Variants in RIMS2 observed in about 807,000 individuals in gnomAD.
The protein encoded by RIMS2 is regulating synaptic membrane exocytosis protein 2.
A neutral mutation model predicts 174.4 loss-of-function variants in RIMS2; 59 were observed. That is an observed-to-expected ratio of 0.34 (90% CI 0.27 to 0.42). RIMS2 has a LOEUF of 0.42. Ranked by LOEUF, RIMS2 falls within the 10% of genes least tolerant of loss-of-function variation. The probability of loss-of-function intolerance (pLI) is 1.00; values close to 1 mark genes in which losing one functional copy is unlikely to be tolerated. For synonymous variants in RIMS2, 606 were observed against 572.5 expected, an observed-to-expected ratio of 1.06 and a Z score of -0.84; for missense variants, 1,620 against 1,666.3, an observed-to-expected ratio of 0.97 and a Z score of 0.48.
chr8:104,064,357 A>G (rs1205765272), intron 19 of RIMS2, among the ~76,000 whole-genome samples: 1 of 152,150 alleles, frequency 6.6e-6, no homozygotes, highest in African/African-American at 2.4e-5. Context: ...TCCAATTTAA[A>G]AAAATGAATA....
intron 19 of RIMS2, among the ~76,000 whole-genome samples, chr8:104,164,187 TCTTTC>T (rs751834919): frequency 0.81 from 122,643 of 151,984 alleles, 49,968 homozygotes; most frequent in East Asian, 1. Context: ...CCTGGAATTA[TCTTTC>T]CTGTGTGAAA....
chr8:103,911,315 AGAAT>A (rs2154527261), intron 5 of RIMS2, among the ~76,000 whole-genome samples: 1 of 152,312 alleles, frequency 6.6e-6, no homozygotes, highest in African/African-American at 2.4e-5. Flanking sequence ...TGAGAAAGAA[AGAAT>A]AATGTTTTCA....
chr8:103,819,278 A>C, intron 3 of RIMS2: 1 of 1,345,902 alleles, frequency 7.4e-7, no homozygotes, highest in East Asian at 3.1e-5. Flanking sequence ...TGCTACAGTC[A>C]GGAGAAAGCC....
At chr8:103,587,924 A>G (rs2094046818) in intron 1 of RIMS2, among the ~76,000 whole-genome samples, 1 of 152,048 alleles carries the variant, frequency 6.6e-6, no homozygotes. Flanking sequence ...AGACAGGAGA[A>G]GGAAATAAAG....
At chr8:103,739,021 A>G (rs974300564) in intron 2 of RIMS2, among the ~76,000 whole-genome samples, 4 of 152,180 alleles carry the variant, frequency 2.6e-5, no homozygotes, top group East Asian at 1.9e-4. Flanking sequence ...TAGCCATCCC[A>G]TTACTGGGTA....
intron 16 of RIMS2, among the ~76,000 whole-genome samples, chr8:103,980,287 C>T (rs913958684): frequency 2.0e-5 from 3 of 152,058 alleles, no homozygotes; most frequent in Admixed American, 1.3e-4. Context: ...AAGAAGCCCC[C>T]GTTCTAGGCC....
intron 16 of RIMS2, among the ~76,000 whole-genome samples, chr8:103,979,049 A>G (rs1032653222): frequency 6.6e-6 from 1 of 152,226 alleles, no homozygotes; most frequent in Non-Finnish European, 1.5e-5. Context: ...ATAAACTTAT[A>G]AAGCAATTTT....
At chr8:104,165,360 A>G (rs1224635850) in intron 19 of RIMS2, among the ~76,000 whole-genome samples, 1 of 152,146 alleles carries the variant, frequency 6.6e-6, no homozygotes, top group East Asian at 1.9e-4. Context: ...CCTCTTTTTA[A>G]TCATTTTAAG....
Position 103,760,905 on chromosome 8 carries a change from G to A in RIMS2, c.388-5322G>A, listed in dbSNP as rs796629918. 2.6e-5 allele frequency among the ~76,000 whole-genome samples: 4 copies of A among 152,120 alleles called. No individual in the cohort carries two copies. In the East Asian group the frequency reaches 7.7e-4, roughly 29 times the overall value. On this transcript the variant is annotated intron_variant, in intron 2 of 23. Transcript: ENST00000504942. ...AATAAATAATGAATTGGTGTTAATAGTTACTTGCCCATCTATAAATAAATT... is the reference window on the plus strand; with the variant it reads ...AATAAATAATGAATTGGTGTTAATAATTACTTGCCCATCTATAAATAAATT...
rs202000083 is a variant in RIMS2 at position 103,942,881 on chromosome 8, C to G, written c.2656C>G (p.Pro886Ala). 145 of 1,613,370 alleles carry G rather than the reference C, an allele frequency of 9.0e-5. No homozygotes were observed. The Middle Eastern group carries it at 2.6e-3, about 29-fold the overall frequency. Reference sequence around the variant, plus strand: ...ACTTCCCCACCCTTCTCCATATATGCCACGAAGACAGCTCCATGGAGAGAG... The same window carrying G: ...ACTTCCCCACCCTTCTCCATATATGGCACGAAGACAGCTCCATGGAGAGAG... Residue 886 changes from proline to alanine, a missense_variant, in exon 14 of 24, where the codon CCA becomes GCA. Physicochemically the swap from Pro to Ala is conservative, Grantham distance 27. Coordinates refer to ENST00000504942, the Ensembl canonical transcript of RIMS2.
intron 4 of RIMS2, among the ~76,000 whole-genome samples, chr8:103,890,542 T>C (rs919283585): frequency 6.6e-6 from 1 of 152,064 alleles, no homozygotes; most frequent in African/African-American, 2.4e-5. Flanking sequence ...TATTTACTGA[T>C]TTTTGCGCAC....
chr8:103,601,551 A>G (rs1036970233), intron 1 of RIMS2, among the ~76,000 whole-genome samples: 3 of 151,830 alleles, frequency 2.0e-5, no homozygotes, highest in South Asian at 2.1e-4. Context: ...TTCAGTCTAT[A>G]TGCATATATA....
intron 19 of RIMS2, among the ~76,000 whole-genome samples, chr8:104,134,046 A>G (rs1458562490): frequency 6.6e-6 from 1 of 152,220 alleles, no homozygotes; most frequent in African/African-American, 2.4e-5. Context: ...TTTACAAATA[A>G]TCTTTAATAT....
chr8:104,135,581 G>A (rs1025183844), intron 19 of RIMS2, among the ~76,000 whole-genome samples: 2 of 147,992 alleles, frequency 1.4e-5, no homozygotes, highest in African/African-American at 5.1e-5. Flanking sequence ...ACTCCAGCCT[G>A]GGTGCCAGAG....
intron 2 of RIMS2, among the ~76,000 whole-genome samples, chr8:103,733,953 G>A (rs1436086167): frequency 6.6e-6 from 1 of 150,548 alleles, no homozygotes; most frequent in Admixed American, 6.6e-5. Context: ...GTGTTTCTAT[G>A]GTGGGAATGA....
chr8:103,775,511 A>C (rs1034725341), intron 3 of RIMS2, among the ~76,000 whole-genome samples: 2 of 152,158 alleles, frequency 1.3e-5, no homozygotes, highest in Non-Finnish European at 2.9e-5. Context: ...AAAGATGGCT[A>C]TGTCTTTGGT....
At chr8:103,560,117 T>C (rs995583189) in intron 1 of RIMS2, among the ~76,000 whole-genome samples, 1 of 152,188 alleles carries the variant, frequency 6.6e-6, no homozygotes, top group Non-Finnish European at 1.5e-5. Flanking sequence ...GTAAACAAAA[T>C]AGTTCAGAAC....
chr8:103,904,079 C>T (rs1368905691), intron 4 of RIMS2, among the ~76,000 whole-genome samples: 1 of 152,066 alleles, frequency 6.6e-6, no homozygotes, highest in Admixed American at 6.6e-5. Context: ...CTTACGCTTC[C>T]TCTTTCTAAT....
chr8:103,505,409 C>T (rs1472602697), intron 1 of RIMS2, among the ~76,000 whole-genome samples: 1 of 152,032 alleles, frequency 6.6e-6, no homozygotes, highest in Non-Finnish European at 1.5e-5. Flanking sequence ...TGTATAGCTG[C>T]CTCGTTAACC....
Sources: allele counts gnomAD v4.1 joint callset (sites outside exome capture counted in the v4.1 genomes callset), GRCh38; gene constraint gnomAD v4.1.1; transcripts MANE v1.5; gene names NCBI Gene and HGNC (gene_info 2026-07-23, HGNC 2026-07-21).